The following CCDC178 variants were observed in gnomAD, a reference collection of about 807,000 sequenced individuals.
CCDC178 encodes coiled-coil domain-containing protein 178.
CCDC178 carries 126 observed loss-of-function variants against 117.4 expected under a neutral mutation model. The observed-to-expected ratio is 1.07, with a 90% CI of 0.93 to 1.24. The LOEUF is 1.24. Among genes scored for constraint, CCDC178 ranks in the 50% most tolerant of loss-of-function variants. The pLI, the probability that CCDC178 is intolerant of heterozygous loss-of-function variation, is 0.00. For missense variants in CCDC178, 1,030 were observed against 986.9 expected (o/e 1.04, Z -0.59); for synonymous variants, 283 against 313.4 (o/e 0.90, Z 1.02).
At chr18:33,125,560 G>A (rs902806655) in intron 20 of CCDC178, among the ~76,000 whole-genome samples, 5 of 152,124 alleles carry the variant, frequency 3.3e-5, no homozygotes, top group African/African-American at 7.2e-5. Flanking sequence ...AAAATGCAGA[G>A]TTTATTCATT....
chr18:33,331,179 G>T (rs1459751170), intron 10 of CCDC178, among the ~76,000 whole-genome samples: 12 of 151,102 alleles, frequency 7.9e-5, no homozygotes, highest in Admixed American at 7.9e-4. Flanking sequence ...AAAACAAAGG[G>T]ATACCAATTA....
intron 20 of CCDC178, among the ~76,000 whole-genome samples, chr18:33,150,349 T>A (rs2058326913): frequency 6.6e-6 from 1 of 152,124 alleles, no homozygotes; most frequent in Admixed American, 6.5e-5. Context: ...TGACTAAGAC[T>A]GCAAAACAAA....
chr18:32,938,026 G>A lies in CCDC178; in HGVS notation c.2589C>T (p.Cys863=), dbSNP rs140642167. ...GGTTGTTTGCTTAACCATCGTTTTC[G>A]CATGTGCCATCTGTCAAAGTCTGGA... The part of the protein sequence containing the change: ...GFFQTLTDGT[C]ENDG Residue 863 remains cysteine, a synonymous_variant, in exon 23 of 23, where the codon TGC becomes TGT. Transcript: ENST00000383096. 254 of 1,612,334 alleles carry A rather than the reference G, an allele frequency of 1.6e-4. 2 individuals are homozygous for A. The highest frequency in any genetic ancestry group is 4.6e-4 in the South Asian group (42 of 91,022).
rs928222909 is a variant in CCDC178, at chr18:33,163,487, C to A, written c.2238+48409G>T. Among the ~76,000 whole-genome samples the A allele has an allele frequency of 6.6e-5, 10 of 152,144 alleles. No homozygotes were observed. The East Asian group carries it at 1.9e-3, about 29-fold the overall frequency. On this transcript the variant is annotated intron_variant, in intron 20 of 22. Coordinates refer to ENST00000383096, the MANE Select transcript of CCDC178 (RefSeq NM_001105528.4). ...TAGTATAAATGATGGAATCAGAATT[C>A]ATTTTTCTCATAAAATTATTATCTA...
chr18:33,245,452 A>G, intron 14 of CCDC178, 24 bp from the exon 15 acceptor site: 1 of 1,473,354 alleles, frequency 6.8e-7, no homozygotes, highest in South Asian at 1.4e-5. Flanking sequence ...GCAAAAATTA[A>G]TATTATTGAG....
intron 12 of CCDC178, among the ~76,000 whole-genome samples, chr18:33,275,011 AC>A (rs1262093960): frequency 3.4e-4 from 52 of 152,232 alleles, no homozygotes; most frequent in African/African-American, 1.2e-3. Flanking sequence ...TAAATGTACA[AC>A]TTCAAAAGTA....
At chr18:33,306,228 AC>A (rs1436628219) in intron 11 of CCDC178, among the ~76,000 whole-genome samples, 1 of 151,862 alleles carries the variant, frequency 6.6e-6, no homozygotes, top group Non-Finnish European at 1.5e-5. Flanking sequence ...TATCATAAAG[AC>A]CTCTTTATCT....
intron 14 of CCDC178, among the ~76,000 whole-genome samples, chr18:33,260,899 C>T (rs949669000): frequency 6.6e-6 from 1 of 152,004 alleles, no homozygotes; most frequent in African/African-American, 2.4e-5. Context: ...GGACTTTCTA[C>T]TCATTTCCAC....
chr18:33,228,755 T>C (rs185712019), intron 15 of CCDC178, among the ~76,000 whole-genome samples: 16 of 152,248 alleles, frequency 1.1e-4, no homozygotes, highest in Non-Finnish European at 1.0e-4. Flanking sequence ...GGGCTGCCAA[T>C]TGCATACTTA....
At chr18:33,153,064 C>G (rs968280029) in intron 20 of CCDC178, among the ~76,000 whole-genome samples, 2 of 148,778 alleles carry the variant, frequency 1.3e-5, no homozygotes, top group African/African-American at 4.9e-5. Context: ...ATTACTAACT[C>G]CAGGGAAGCA....
intron 12 of CCDC178, among the ~76,000 whole-genome samples, chr18:33,269,289 T>C (rs1429930034): frequency 6.6e-6 from 1 of 151,642 alleles, no homozygotes; most frequent in East Asian, 1.9e-4. Flanking sequence ...ACTAACAAAC[T>C]AAAAAGGGAA....
At chr18:33,283,305 C>T (rs998092414) in intron 12 of CCDC178, among the ~76,000 whole-genome samples, 1 of 152,034 alleles carries the variant, frequency 6.6e-6, no homozygotes, top group Admixed American at 6.6e-5. Flanking sequence ...CCCCCAAAGT[C>T]ATCAACAGGA....
intron 22 of CCDC178, among the ~76,000 whole-genome samples, chr18:32,944,575 T>A (rs1461850910): frequency 1.3e-5 from 2 of 152,338 alleles, no homozygotes; most frequent in South Asian, 4.1e-4. Context: ...ATGGTTTTTT[T>A]CCCCAATGTG....
chr18:32,938,758 A>C (rs2054174660), intron 22 of CCDC178, among the ~76,000 whole-genome samples: 1 of 152,170 alleles, frequency 6.6e-6, no homozygotes, highest in Non-Finnish European at 1.5e-5. Context: ...GGGCAAAGGC[A>C]ACAACACATA....
chr18:32,943,593 T>G (rs1192559443), intron 22 of CCDC178, among the ~76,000 whole-genome samples: 1 of 152,216 alleles, frequency 6.6e-6, no homozygotes, highest in East Asian at 1.9e-4. Context: ...CTACTTGTGT[T>G]TTGATTCTCA....
chr18:33,260,391 AT>A (rs1347078268), intron 14 of CCDC178, among the ~76,000 whole-genome samples: 2 of 151,130 alleles, frequency 1.3e-5, no homozygotes, highest in Non-Finnish European at 1.5e-5. Flanking sequence ...AGTTCTGCAG[AT>A]TTCTGTTTGA....
intron 5 of CCDC178, among the ~76,000 whole-genome samples, chr18:33,374,070 C>G (rs1162799209): frequency 6.6e-6 from 1 of 152,132 alleles, no homozygotes; most frequent in Non-Finnish European, 1.5e-5. Context: ...AGTTTCCCAA[C>G]TGCAATAAAG....
intron 11 of CCDC178, among the ~76,000 whole-genome samples, chr18:33,302,514 G>A (rs1016262914): frequency 6.6e-6 from 1 of 152,064 alleles, no homozygotes; most frequent in East Asian, 1.9e-4. Flanking sequence ...CTCACTACTG[G>A]GCATTTATCC....
chr18:33,182,505 T>C (rs980511783), intron 20 of CCDC178, among the ~76,000 whole-genome samples: 1 of 151,978 alleles, frequency 6.6e-6, no homozygotes, highest in Non-Finnish European at 1.5e-5. Flanking sequence ...TCACTCTTTA[T>C]ATTGTGTGCT....
Sources: allele counts gnomAD v4.1 joint callset (sites outside exome capture counted in the v4.1 genomes callset), GRCh38; gene constraint gnomAD v4.1.1; transcripts MANE v1.5; gene names NCBI Gene and HGNC (gene_info 2026-07-23, HGNC 2026-07-21).